Variants in ATRX observed in about 807,000 individuals in gnomAD.
ATRX encodes chromatin remodeler ATRX.
ATRX carries 12 observed loss-of-function variants against 172.6 expected under a neutral mutation model. The ratio of observed to expected loss-of-function variants is 0.07; its 90% CI spans 0.04 to 0.11. The LOEUF (loss-of-function observed/expected upper bound fraction) is 0.11, where lower values mean the gene tolerates loss of function less well. Among genes scored for constraint, ATRX ranks in the 10% least tolerant of loss-of-function variants. The pLI is 1.00. For synonymous variants in ATRX, 674 were observed against 594.7 expected (o/e 1.13, Z -1.94); for missense variants, 1,368 against 1,767.4 (o/e 0.77, Z 4.05).
At chrX:77,646,828 C>A (rs1344442540) in intron 15 of ATRX, among the ~76,000 whole-genome samples, 1 of 108,619 alleles carries the variant, frequency 9.2e-6, no homozygotes, top group Non-Finnish European at 1.9e-5. Context: ...GGGGCGGAGG[C>A]AGGAGGATCA....
At chrX:77,535,299 T>C (rs1189508529) in intron 30 of ATRX, among the ~76,000 whole-genome samples, 1 of 112,120 alleles carries the variant, frequency 8.9e-6, no homozygotes, top group Non-Finnish European at 1.9e-5. Context: ...ATGAATAAGA[T>C]AGTGACAACT....
chrX:77,684,318 G>C lies in ATRX; in HGVS notation c.938C>G (p.Ser313Cys), dbSNP rs1557142562. 4 of 1,208,240 alleles carry C rather than the reference G, an allele frequency of 3.3e-6. No individual in the cohort carries two copies. Among genetic ancestry groups the C allele is most frequent in the East Asian group, 3.0e-5 (1 of 33,825 alleles). ...ACTAGTCTTCTTTGGAGAAAATCTGGATGTATGTTCATATACTTTATTACT... is the reference window on the plus strand; with the variant it reads ...ACTAGTCTTCTTTGGAGAAAATCTGCATGTATGTTCATATACTTTATTACT... Reference protein sequence around the residue: ...EKSNKVYEHTSRFSPKKTSSN... With the variant: ...EKSNKVYEHTCRFSPKKTSSN... The change falls in exon 9 of 35, where the codon TCC becomes TGC. Residue 313 changes from serine to cysteine, a missense_variant. Ser to Cys is a moderately radical substitution (Grantham distance 112, BLOSUM62 -1). Coordinates refer to ENST00000373344, the MANE Select transcript of ATRX (RefSeq NM_000489.6).
rs782028709 is a variant in ATRX, at chrX:77,559,449, CTTTTTTTTTTTTTTTTT to C, written c.6327-620_6327-604del. Among the ~76,000 whole-genome samples, 21 of 41,683 alleles carry C rather than the reference CTTTTTTTTTTTTTTTTT, an allele frequency of 5.0e-4. 1 individual carries two copies. Among genetic ancestry groups the C allele is most frequent in the South Asian group, 3.7e-3 (1 of 272 alleles). 36.2% of individuals were successfully genotyped at this position (41,683 alleles called of 115,157 possible). On this transcript the variant is annotated intron_variant, in intron 28 of 34. Coordinates refer to ENST00000373344, the MANE Select transcript of ATRX (RefSeq NM_000489.6). ...TTATAAGGTTTCTTTCTTTCTTTCC[CTTTTTTTTTTTTTTTTT>C]TTTTTTTTTTGAGACGGAGACTCAC...
intron 19 of ATRX, among the ~76,000 whole-genome samples, chrX:77,624,836 T>C (rs182621096): frequency 9.0e-6 from 1 of 111,489 alleles, no homozygotes; most frequent in Non-Finnish European, 1.9e-5. Context: ...AATCTACAAA[T>C]TCAATGCAAT....
intron 22 of ATRX, 61 bp downstream of exon 22, chrX:77,616,552 T>A (rs374118431): frequency 1.7e-6 from 2 of 1,162,401 alleles, no homozygotes. Flanking sequence ...ACTGAAATAA[T>A]CTTCTTTGGA....
At chrX:77,652,394 A>C in intron 14 of ATRX, 41 bp from the exon 15 acceptor site, 1 of 1,159,372 alleles carries the variant, frequency 8.6e-7, no homozygotes, top group Non-Finnish European at 1.2e-6. Context: ...GTACAAAGTC[A>C]TTTAATTTAT....
chrX:77,631,736 C>G (rs1170838598), intron 19 of ATRX, among the ~76,000 whole-genome samples: 1 of 111,828 alleles, frequency 8.9e-6, no homozygotes, highest in Non-Finnish European at 1.9e-5. Context: ...GATTGAGAAA[C>G]CGTCATAGAC....
chrX:77,571,610 C>A (rs782513819), intron 28 of ATRX, among the ~76,000 whole-genome samples: 49 of 111,240 alleles, frequency 4.4e-4, no homozygotes, highest in South Asian at 3.0e-3. Context: ...TGAGAGAGAG[C>A]GAGCTTTGTG....
intron 1 of ATRX, among the ~76,000 whole-genome samples, chrX:77,774,288 A>T (rs1446356958): frequency 7.2e-5 from 8 of 111,633 alleles, no homozygotes; most frequent in African/African-American, 2.6e-4. Flanking sequence ...TTCTAGAATT[A>T]GATGGTAGAT....
chrX:77,646,374 T>A (rs1256115895), intron 15 of ATRX, among the ~76,000 whole-genome samples: 1 of 111,424 alleles, frequency 9.0e-6, no homozygotes, highest in African/African-American at 3.3e-5. Flanking sequence ...ACAAATAGGA[T>A]ATTATGTATT....
Position 77,506,707 on chromosome X carries a change from G to A in ATRX, c.*1644C>T, listed in dbSNP as rs782061859. ...TATTTCATCATGGGAAAGTGGGGGA[G>A]AGGGGCGTGGATCCACCAAACCTCA... On this transcript the variant is annotated 3_prime_UTR_variant, in exon 35 of 35. Transcript: ENST00000373344. 5.8e-6 allele frequency: 1 copy of A among 172,716 alleles called. No individual in the cohort carries two copies. The highest frequency in any genetic ancestry group is 1.1e-5 in the Non-Finnish European group (1 of 91,021). The allele number at this position is 172,716 out of a possible 1,213,427, so 14.2% of individuals were successfully genotyped here.
rs934114882 is a variant in ATRX at position 77,718,726 on chromosome X, T to C, written c.21-1483A>G. On this transcript the variant is annotated intron_variant, in intron 1 of 34. Transcript: ENST00000373344. Reference sequence around the variant, plus strand: ...TAGATGTATCTGTAATTCAACAGGGTTTTAAGGAGTTAAAACTTTAAATAA... The same window carrying C: ...TAGATGTATCTGTAATTCAACAGGGCTTTAAGGAGTTAAAACTTTAAATAA... Among the ~76,000 whole-genome samples the C allele has an allele frequency of 2.7e-5, 3 of 110,134 alleles. No individual in the cohort carries two copies. The Admixed American group carries it at 2.9e-4, about 11-fold the overall frequency.
intron 2 of ATRX, among the ~76,000 whole-genome samples, chrX:77,705,137 G>A (rs782516988): frequency 9.0e-6 from 1 of 110,965 alleles, no homozygotes; most frequent in African/African-American, 3.3e-5. Context: ...CAGAAGGCAA[G>A]GTTCTGTAGC....
chrX:77,625,356 C>T (rs782436274), intron 19 of ATRX, among the ~76,000 whole-genome samples: 2 of 112,365 alleles, frequency 1.8e-5, no homozygotes, highest in African/African-American at 6.5e-5. Flanking sequence ...TGGTCAAGAA[C>T]CCAAAAGCAA....
At position 77,599,835 on chromosome X, in the gene ATRX, AT is replaced by A. The variant is rs782496764; in HGVS notation, c.5698-16del. On this transcript the variant is annotated splice_polypyrimidine_tract_variant and intron_variant, in intron 23 of 34. Coordinates refer to ENST00000373344, the MANE Select transcript of ATRX (RefSeq NM_000489.6). ...TCAAAATAACCCTAGAGAAAAAAAA[AT>A]GACCACTATTTTAATAGAATATCTC... 1.8e-6 allele frequency: 2 copies of A among 1,118,020 alleles called. No individual in the cohort carries two copies. The highest frequency in any genetic ancestry group is 2.2e-5 in the Admixed American group (1 of 45,211). The allele number at this position is 1,118,020 out of a possible 1,213,427, so 92.1% of individuals were successfully genotyped here. A position where few individuals can be genotyped will look rare whatever the true frequency, so the allele number is the denominator to read the frequency against.
intron 19 of ATRX, 64 bp from the exon 20 acceptor site, chrX:77,620,596 T>A (rs2148273674): frequency 9.8e-7 from 1 of 1,017,478 alleles, no homozygotes; most frequent in Non-Finnish European, 1.4e-6. Context: ...GTGATCCATT[T>A]AAGTAAATAA....
At chrX:77,636,781 A>AAGAAGGAAGAAGAAGG (rs1204005937) in intron 15 of ATRX, among the ~76,000 whole-genome samples, 2 of 108,072 alleles carry the variant, frequency 1.9e-5, no homozygotes, top group Non-Finnish European at 3.8e-5. Flanking sequence ...AAAAAGAAGA[A>AAGAAGGAAGAAGAAGG]AGAAGGAAGA....
At chrX:77,759,241 C>T in intron 1 of ATRX, among the ~76,000 whole-genome samples, 1 of 111,376 alleles carries the variant, frequency 9.0e-6, no homozygotes, top group Non-Finnish European at 1.9e-5. Context: ...CATTCTCAAA[C>T]TGCCAGTGGA....
chrX:77,698,863 A>C (rs1392693029), intron 2 of ATRX: 1 of 426,553 alleles, frequency 2.3e-6, no homozygotes, highest in Non-Finnish European at 4.2e-6. Flanking sequence ...ACTTTGGTAT[A>C]AAAACATTTC....
Sources: allele counts gnomAD v4.1 joint callset (sites outside exome capture counted in the v4.1 genomes callset), GRCh38; gene constraint gnomAD v4.1.1; transcripts MANE v1.5; gene names NCBI Gene and HGNC (gene_info 2026-07-23, HGNC 2026-07-21).